SGCZ: variants seen among roughly 807,000 people sequenced by gnomAD.
SGCZ encodes the protein zeta-sarcoglycan.
In SGCZ, 40 loss-of-function variants were observed where a neutral mutation model predicts 41.3. That is an observed-to-expected ratio of 0.97 (90% CI 0.75 to 1.26). The LOEUF is 1.26. SGCZ is among the 50% of genes most tolerant of loss of function. The pLI, the probability that SGCZ is intolerant of heterozygous loss-of-function variation, is 0.00. For missense variants in SGCZ, 552 were observed against 369.8 expected, an observed-to-expected ratio of 1.49 and a Z score of -4.04; for synonymous variants, 206 against 137.5, an observed-to-expected ratio of 1.50 and a Z score of -3.49.
At chr8:14,212,631 T>A (rs1805856326) in intron 4 of SGCZ, among the ~76,000 whole-genome samples, 1 of 151,942 alleles carries the variant, frequency 6.6e-6, no homozygotes, top group African/African-American at 2.4e-5. Context: ...CTTAAGAAAA[T>A]ATCCACAATG....
intron 4 of SGCZ, among the ~76,000 whole-genome samples, chr8:14,223,152 T>A (rs530181956): frequency 1.3e-5 from 2 of 152,232 alleles, no homozygotes; most frequent in South Asian, 4.1e-4. Context: ...TACATCGAAT[T>A]ATCACAGATA....
intron 1 of SGCZ, among the ~76,000 whole-genome samples, chr8:14,850,460 G>A (rs1379479378): frequency 6.6e-6 from 1 of 152,144 alleles, no homozygotes; most frequent in African/African-American, 2.4e-5. Flanking sequence ...AGATGGTGGA[G>A]CACACAAGTG....
chr8:15,053,552 A>C (rs1408012938), intron 1 of SGCZ, among the ~76,000 whole-genome samples: 1 of 152,184 alleles, frequency 6.6e-6, no homozygotes, highest in Non-Finnish European at 1.5e-5. Flanking sequence ...AGAGCAGGCT[A>C]ATAAGAGTAA....
At position 14,356,571 on chromosome 8, in the gene SGCZ, G is replaced by T. The variant is rs17119188; in HGVS notation, c.235-32367C>A. 3.9e-5 allele frequency among the ~76,000 whole-genome samples: 6 copies of T among 152,104 alleles called. No homozygotes were observed. In the East Asian group the frequency reaches 1.2e-3, roughly 29 times the overall value. On this transcript the variant is annotated intron_variant, in intron 2 of 7. Transcript: ENST00000382080. ...TGATATAAAAAGTGTAGATGCTCCT[G>T]ATGATGAGGTATAATCAAATGCCTT...
chr8:14,230,844 A>G (rs1378518194), intron 4 of SGCZ, among the ~76,000 whole-genome samples: 3 of 151,716 alleles, frequency 2.0e-5, no homozygotes, highest in Non-Finnish European at 2.9e-5. Flanking sequence ...GATATGGTGC[A>G]ATTTTGGAAT....
At chr8:14,710,610 GTATT>G (rs1809485497) in intron 1 of SGCZ, among the ~76,000 whole-genome samples, 1 of 151,770 alleles carries the variant, frequency 6.6e-6, no homozygotes, top group Non-Finnish European at 1.5e-5. Context: ...CCTTATTTGT[GTATT>G]TATTGTTTAC....
chr8:14,277,671 T>G (rs1219048978), intron 3 of SGCZ, among the ~76,000 whole-genome samples: 3 of 152,132 alleles, frequency 2.0e-5, no homozygotes, highest in Non-Finnish European at 4.4e-5. Context: ...TGTTCTGGCA[T>G]GCTGAGCACC....
intron 1 of SGCZ, among the ~76,000 whole-genome samples, chr8:14,600,165 C>A (rs779664131): frequency 9.2e-5 from 14 of 152,072 alleles, no homozygotes; most frequent in African/African-American, 1.4e-4. Flanking sequence ...GACTTCTGGG[C>A]ACCACACTCT....
intron 1 of SGCZ, among the ~76,000 whole-genome samples, chr8:14,799,430 G>GAGT (rs145345679): frequency 0.016 from 2,410 of 152,210 alleles, 22 homozygotes; most frequent in Middle Eastern, 0.048. Context: ...ATCTGATGGA[G>GAGT]AGTACATCAG....
At chr8:14,831,560 CTTCA>C (rs1802527278) in intron 1 of SGCZ, among the ~76,000 whole-genome samples, 1 of 151,832 alleles carries the variant, frequency 6.6e-6, no homozygotes, top group Admixed American at 6.6e-5. Flanking sequence ...ACATGTTCAA[CTTCA>C]TTAAGTTTCT....
At chr8:15,084,359 A>G (rs1805871503) in intron 1 of SGCZ, among the ~76,000 whole-genome samples, 1 of 152,242 alleles carries the variant, frequency 6.6e-6, no homozygotes, top group Non-Finnish European at 1.5e-5. Context: ...TATTGACTAC[A>G]TGTCACTGCT....
chr8:14,347,770 A>G (rs538580876), intron 2 of SGCZ, among the ~76,000 whole-genome samples: 8 of 152,236 alleles, frequency 5.3e-5, no homozygotes, highest in South Asian at 4.1e-4. Flanking sequence ...AAGAACATCA[A>G]TGAGATTTCT....
intron 2 of SGCZ, among the ~76,000 whole-genome samples, chr8:14,537,729 G>C (rs1214881262): frequency 6.6e-6 from 1 of 151,776 alleles, no homozygotes; most frequent in Non-Finnish European, 1.5e-5. Flanking sequence ...GTCATTGAAT[G>C]TTCCCCCCTC....
intron 1 of SGCZ, among the ~76,000 whole-genome samples, chr8:15,072,291 G>A (rs73205438): frequency 3.9e-5 from 6 of 151,948 alleles, no homozygotes; most frequent in East Asian, 3.9e-4. Flanking sequence ...CAAGGTGGAC[G>A]TAAGTCTTTA....
At chr8:14,374,790 T>C (rs970833337) in intron 2 of SGCZ, among the ~76,000 whole-genome samples, 4 of 152,140 alleles carry the variant, frequency 2.6e-5, no homozygotes, top group African/African-American at 9.7e-5. Flanking sequence ...GAATGAACCA[T>C]ATAATTTAAG....
intron 2 of SGCZ, among the ~76,000 whole-genome samples, chr8:14,364,729 C>T (rs151180520): frequency 0.02 from 3,102 of 152,148 alleles, 91 homozygotes; most frequent in African/African-American, 0.058. Flanking sequence ...CATTGGTTTG[C>T]ATAAGTTCTT....
At chr8:14,955,776 T>G (rs1320463674) in intron 1 of SGCZ, among the ~76,000 whole-genome samples, 10 of 152,184 alleles carry the variant, frequency 6.6e-5, no homozygotes, top group Non-Finnish European at 1.2e-4. Context: ...ATATCACTTT[T>G]GAATCATGTA....
intron 1 of SGCZ, among the ~76,000 whole-genome samples, chr8:14,631,580 G>A (rs747233908): frequency 6.6e-6 from 1 of 152,080 alleles, no homozygotes; most frequent in Non-Finnish European, 1.5e-5. Context: ...CTCAGATTGA[G>A]GAAAGCAGAA....
At chr8:15,172,154 GTTTT>G (rs1183210302) in intron 1 of SGCZ, among the ~76,000 whole-genome samples, 2 of 71,766 alleles carry the variant, frequency 2.8e-5, no homozygotes, top group African/African-American at 5.1e-5. Flanking sequence ...TTTATACTCT[GTTTT>G]TTTTTTTTTT....
Sources: gnomAD v4.1 joint callset for allele counts (sites outside exome capture counted in the v4.1 genomes callset) on GRCh38, gnomAD v4.1.1 for gene constraint, MANE v1.5 for transcripts, NCBI Gene and HGNC (gene_info 2026-07-23, HGNC 2026-07-21) for gene names.